The following WWOX variants were observed in gnomAD, a reference collection of about 807,000 sequenced individuals.
WWOX encodes WW domain-containing oxidoreductase.
A neutral mutation model predicts 46.2 loss-of-function variants in WWOX; 69 were observed. The ratio of observed to expected loss-of-function variants is 1.49; its 90% CI spans 1.23 to 1.82. The LOEUF (loss-of-function observed/expected upper bound fraction) is 1.82, where lower values mean the gene tolerates loss of function less well. WWOX is among the 40% of genes most tolerant of loss of function. WWOX has a pLI of 0.00. For synonymous variants in WWOX, 359 were observed against 202.6 expected (o/e 1.77, Z -6.56); for missense variants, 919 against 542.6 (o/e 1.69, Z -6.89).
chr16:78,666,885 C>G (rs964142284), intron 8 of WWOX, among the ~76,000 whole-genome samples: 7 of 152,180 alleles, frequency 4.6e-5, no homozygotes, highest in Admixed American at 2.0e-4. Flanking sequence ...ATACTAAATT[C>G]AGACATAAGT....
At chr16:78,949,949 A>G (rs916929999) in intron 8 of WWOX, among the ~76,000 whole-genome samples, 1 of 152,186 alleles carries the variant, frequency 6.6e-6, no homozygotes, top group Admixed American at 6.5e-5. Flanking sequence ...TATGTGAAGC[A>G]CTTTTCATGC....
At chr16:79,044,380 G>A (rs936136930) in intron 8 of WWOX, among the ~76,000 whole-genome samples, 3 of 152,152 alleles carry the variant, frequency 2.0e-5, no homozygotes, top group Non-Finnish European at 4.4e-5. Context: ...GGGTCATGGG[G>A]GTGGATTTCT....
At chr16:79,044,991 A>G (rs1292319643) in intron 8 of WWOX, among the ~76,000 whole-genome samples, 2 of 152,186 alleles carry the variant, frequency 1.3e-5, no homozygotes, top group African/African-American at 4.8e-5. Context: ...ACTGCTCAAT[A>G]AAGGGTAGAT....
chr16:79,182,290 C>A (rs776859274), intron 8 of WWOX, among the ~76,000 whole-genome samples: 1 of 151,806 alleles, frequency 6.6e-6, no homozygotes, highest in Non-Finnish European at 1.5e-5. Context: ...TGGCCCTGCC[C>A]CATGATATAC....
intron 8 of WWOX, among the ~76,000 whole-genome samples, chr16:79,024,556 C>T (rs924096942): frequency 6.6e-6 from 1 of 152,154 alleles, no homozygotes; most frequent in Non-Finnish European, 1.5e-5. Flanking sequence ...GCCTCAGCCT[C>T]CCGAGTAGCT....
chr16:78,752,386 C>G (rs1277796151), intron 8 of WWOX, among the ~76,000 whole-genome samples: 1 of 152,172 alleles, frequency 6.6e-6, no homozygotes, highest in South Asian at 2.1e-4. Context: ...CTCCTGGGTT[C>G]AAGCGATTCT....
At chr16:78,723,466 T>C (rs920921375) in intron 8 of WWOX, among the ~76,000 whole-genome samples, 1 of 152,152 alleles carries the variant, frequency 6.6e-6, no homozygotes, top group African/African-American at 2.4e-5. Context: ...GTCTGCTACC[T>C]TGTTCTTATC....
At chr16:78,186,531 A>G (rs2035709669) in intron 5 of WWOX, among the ~76,000 whole-genome samples, 1 of 152,242 alleles carries the variant, frequency 6.6e-6, no homozygotes, top group Non-Finnish European at 1.5e-5. Context: ...TGGGAGGCTG[A>G]GGCAGGTGGA....
intron 8 of WWOX, among the ~76,000 whole-genome samples, chr16:78,635,992 G>A (rs562772172): frequency 2.6e-5 from 4 of 152,218 alleles, no homozygotes; most frequent in South Asian, 2.1e-4. Context: ...ATACAATTCC[G>A]TAACTCATCC....
At position 79,062,196 on chromosome 16, in the gene WWOX, A is replaced by AT. The variant is rs2048368443; in HGVS notation, c.1057-149412_1057-149411insT. On this transcript the variant is annotated intron_variant, in intron 8 of 8. Transcript: ENST00000566780. ...AAGGTTGGGGAGACTGGGGAGAGGG[A>AT]AAGCGAGGAAGAAGCGTAAGTGTAT... Among the ~76,000 whole-genome samples, 3 of 152,314 alleles carry AT rather than the reference A, an allele frequency of 2.0e-5. No individual in the cohort carries two copies. The East Asian group carries it at 5.8e-4, about 29-fold the overall frequency.
chr16:78,261,308 T>G (rs1207733562), intron 5 of WWOX, among the ~76,000 whole-genome samples: 1 of 150,908 alleles, frequency 6.6e-6, no homozygotes, highest in East Asian at 1.9e-4. Context: ...CATACATACA[T>G]ACATATAAAA....
At chr16:78,765,063 C>T (rs1439918139) in intron 8 of WWOX, among the ~76,000 whole-genome samples, 1 of 152,180 alleles carries the variant, frequency 6.6e-6, no homozygotes, top group African/African-American at 2.4e-5. Flanking sequence ...AGGGAAGTCT[C>T]AGCATCTCGA....
At chr16:78,234,802 C>CG (rs143016853) in intron 5 of WWOX, among the ~76,000 whole-genome samples, 1 of 148,548 alleles carries the variant, frequency 6.7e-6, no homozygotes, top group East Asian at 2.2e-4. Flanking sequence ...AAAAAAACAA[C>CG]AAAAAAAAAC....
At chr16:78,810,599 A>C (rs2051163068) in intron 8 of WWOX, among the ~76,000 whole-genome samples, 1 of 152,244 alleles carries the variant, frequency 6.6e-6, no homozygotes. Flanking sequence ...CAAATTCTGC[A>C]GTGCTGGAGT....
intron 8 of WWOX, among the ~76,000 whole-genome samples, chr16:78,831,047 T>G (rs749863201): frequency 1.0e-3 from 155 of 152,222 alleles, no homozygotes; most frequent in Admixed American, 2.6e-3. Context: ...GAATGTGATG[T>G]TTTGGGAGTG....
At chr16:79,052,117 C>T (rs1021274367) in intron 8 of WWOX, among the ~76,000 whole-genome samples, 3 of 151,488 alleles carry the variant, frequency 2.0e-5, no homozygotes, top group Non-Finnish European at 4.4e-5. Flanking sequence ...TATACATGTG[C>T]CATGCTGGTG....
intron 8 of WWOX, among the ~76,000 whole-genome samples, chr16:78,914,234 G>A (rs77358608): frequency 0.028 from 4,209 of 151,902 alleles, 227 homozygotes; most frequent in East Asian, 0.18. Flanking sequence ...CTATCCATCC[G>A]TCTATTCATT....
At chr16:79,018,884 C>T (rs1225387832) in intron 8 of WWOX, among the ~76,000 whole-genome samples, 1 of 152,056 alleles carries the variant, frequency 6.6e-6, no homozygotes, top group Admixed American at 6.5e-5. Context: ...GGCGTGGTGG[C>T]TCACCCATGT....
At chr16:78,354,003 A>G (rs1208308040) in intron 5 of WWOX, among the ~76,000 whole-genome samples, 1 of 152,180 alleles carries the variant, frequency 6.6e-6, no homozygotes, top group East Asian at 1.9e-4. Flanking sequence ...CTTTCCAGAC[A>G]ATAAACTTTA....
Sources: allele counts gnomAD v4.1 joint callset (sites outside exome capture counted in the v4.1 genomes callset), GRCh38; gene constraint gnomAD v4.1.1; transcripts MANE v1.5; gene names NCBI Gene and HGNC (gene_info 2026-07-23, HGNC 2026-07-21).